PGM5: variants seen among roughly 807,000 people sequenced by gnomAD.
PGM5 encodes phosphoglucomutase-like protein 5.
A neutral mutation model predicts 59.2 loss-of-function variants in PGM5; 23 were observed. The observed-to-expected ratio is 0.39, with a 90% CI of 0.28 to 0.55. The LOEUF (loss-of-function observed/expected upper bound fraction) is 0.55. PGM5 is among the 20% of genes least tolerant of loss of function. The pLI, the probability that PGM5 is intolerant of heterozygous loss-of-function variation, is 0.66. For missense variants in PGM5, 574 were observed against 748.3 expected (o/e 0.77, Z 2.72); for synonymous variants, 214 against 286.0 (o/e 0.75, Z 2.54).
chr9:68,520,241 G>T (rs1170349220), intron 10 of PGM5, among the ~76,000 whole-genome samples: 1 of 151,458 alleles, frequency 6.6e-6, no homozygotes, highest in Admixed American at 6.6e-5. Flanking sequence ...TAGACTTTAA[G>T]GTCAAAAGCA....
intron 6 of PGM5, chr9:68,405,680 C>A (rs552980389): frequency 3.1e-3 from 482 of 154,136 alleles, no homozygotes; most frequent in Middle Eastern, 0.014. Context: ...CTCCTTCCTT[C>A]CTTCCTTCTT....
intron 6 of PGM5, among the ~76,000 whole-genome samples, chr9:68,451,702 G>A (rs1823699163): frequency 6.6e-6 from 1 of 152,202 alleles, no homozygotes; most frequent in African/African-American, 2.4e-5. Context: ...TCCATTGTGT[G>A]ACTGTCTCTG....
intron 9 of PGM5, among the ~76,000 whole-genome samples, chr9:68,485,401 G>A (rs1395585075): frequency 6.6e-6 from 1 of 152,146 alleles, no homozygotes; most frequent in South Asian, 2.1e-4. Context: ...GGACCAGGTG[G>A]GAGGTAATTG....
chr9:68,501,954 C>G (rs1554688687), intron 10 of PGM5, among the ~76,000 whole-genome samples: 1 of 152,224 alleles, frequency 6.6e-6, no homozygotes. Context: ...GTGATATAAT[C>G]TATATGCATT....
chr9:68,435,187 T>G lies in PGM5; in HGVS notation c.1044-29906T>G, dbSNP rs575029562. On this transcript the variant is annotated intron_variant, in intron 6 of 10. Transcript: ENST00000396396. ...TTATTCTTTATCTCAGTCTCTTGTT[T>G]CCTTTATAGCCCATGCACATTTAAT... Among the ~76,000 whole-genome samples, 66 of 152,338 alleles carry G rather than the reference T, an allele frequency of 4.3e-4. 1 individual carries two copies. The highest frequency in any genetic ancestry group is 4.9e-4 in the Non-Finnish European group (33 of 68,028).
intron 1 of PGM5, among the ~76,000 whole-genome samples, chr9:68,376,902 C>CTT (rs1821932500): frequency 1.8e-5 from 2 of 114,268 alleles, no homozygotes; most frequent in African/African-American, 6.9e-5. Flanking sequence ...TTCTTTCTCT[C>CTT]TCTTTCTTTC....
chr9:68,423,573 G>C (rs1823181547), intron 6 of PGM5, among the ~76,000 whole-genome samples: 1 of 151,776 alleles, frequency 6.6e-6, no homozygotes, highest in South Asian at 2.1e-4. Context: ...GTTCAATCAG[G>C]TTGTTTCTCT....
chr9:68,390,089 G>A (rs1210574452), intron 4 of PGM5, among the ~76,000 whole-genome samples: 2 of 151,800 alleles, frequency 1.3e-5, no homozygotes, highest in Non-Finnish European at 2.9e-5. Flanking sequence ...GTGATCCTTG[G>A]CTTTCTGGCA....
At position 68,357,222 on chromosome 9, in the gene PGM5, G is replaced by A; in HGVS notation, c.95G>A (p.Gly32Asp). 1 of 1,541,230 alleles carries A rather than the reference G, an allele frequency of 6.5e-7. No individual in the cohort carries two copies. ...GGCGGGGGTCTGCGGCGACCCACCG[G>A]CCTCTTCGAGGGCCAGCGCAACTAC... ...AGGGGLRRPT[G>D]LFEGQRNYLP... The change falls in exon 1 of 11, where the codon GGC becomes GAC. Residue 32 changes from glycine (G) to aspartate (D), a missense_variant. Gly to Asp is a moderately conservative substitution (Grantham distance 94). Transcript: ENST00000396396.
intron 7 of PGM5, among the ~76,000 whole-genome samples, chr9:68,479,141 A>T (rs559128161): frequency 1.3e-5 from 2 of 152,202 alleles, no homozygotes; most frequent in South Asian, 4.1e-4. Context: ...TATTTACTGA[A>T]TAAATGAATA....
chr9:68,417,505 C>A (rs1216799422), intron 6 of PGM5, among the ~76,000 whole-genome samples: 1 of 152,148 alleles, frequency 6.6e-6, no homozygotes, highest in Non-Finnish European at 1.5e-5. Flanking sequence ...TGTCATGGAA[C>A]ATTGAGCTGC....
chr9:68,479,458 C>G lies in PGM5; in HGVS notation c.1200C>G (p.Val400=), dbSNP rs1554686928. ...HLREKDGLWA[V]LVWLSIIAAR... ...GAGAGAAGGATGGCCTGTGGGCTGT[C>G]TTGGTCTGGCTCTCCATTATTGCTG... The change falls in exon 8 of 11, where the codon GTC becomes GTG. Residue 400 remains valine (V), a synonymous_variant. Coordinates refer to ENST00000396396, the MANE Select transcript of PGM5 (RefSeq NM_021965.4). 5 of 1,613,938 alleles carry G rather than the reference C, an allele frequency of 3.1e-6. No individual in the cohort carries two copies. The Admixed American group carries it at 6.7e-5, about 22-fold the overall frequency.
intron 10 of PGM5, among the ~76,000 whole-genome samples, chr9:68,519,094 GA>G (rs1824861713): frequency 2.0e-5 from 3 of 152,124 alleles, no homozygotes; most frequent in Non-Finnish European, 2.9e-5. Context: ...TTAATCTAGT[GA>G]AACTTTCCTT....
At position 68,366,499 on chromosome 9, in the gene PGM5, G is replaced by T. The variant is rs1481363227; in HGVS notation, c.261+9111G>T. 3.3e-5 allele frequency among the ~76,000 whole-genome samples: 5 copies of T among 152,128 alleles called. No individual in the cohort carries two copies. The East Asian group carries it at 9.6e-4, about 29-fold the overall frequency. ...GTAGGCATAGAAAATAGGATTGAAA[G>T]GACATACTCTAGTCAACAGTGGATA... is the stretch of plus-strand genomic sequence containing the variant. On this transcript the variant is annotated intron_variant, in intron 1 of 10. Coordinates refer to ENST00000396396, the MANE Select transcript of PGM5 (RefSeq NM_021965.4).
intron 7 of PGM5, among the ~76,000 whole-genome samples, chr9:68,477,469 G>A (rs1015898329): frequency 2.0e-5 from 3 of 152,178 alleles, no homozygotes; most frequent in Non-Finnish European, 4.4e-5. Context: ...GCTCTGTGGC[G>A]TTGCGTCTCC....
At chr9:68,422,614 A>G (rs1280461058) in intron 6 of PGM5, among the ~76,000 whole-genome samples, 5 of 152,076 alleles carry the variant, frequency 3.3e-5, no homozygotes, top group Admixed American at 6.6e-5. Flanking sequence ...TTCCCCATTC[A>G]TCTAGAAAAG....
At chr9:68,454,406 C>A (rs1272032235) in intron 6 of PGM5, among the ~76,000 whole-genome samples, 5 of 152,160 alleles carry the variant, frequency 3.3e-5, no homozygotes, top group African/African-American at 9.7e-5. Context: ...CTCATTGATA[C>A]AAGGAGTATC....
chr9:68,513,347 T>C (rs1824780662), intron 10 of PGM5, among the ~76,000 whole-genome samples: 1 of 152,250 alleles, frequency 6.6e-6, no homozygotes, highest in African/African-American at 2.4e-5. Context: ...TTTTCAGGTC[T>C]TTTGTTTCTT....
At chr9:68,484,819 G>T (rs192911898) in intron 9 of PGM5, among the ~76,000 whole-genome samples, 3 of 152,224 alleles carry the variant, frequency 2.0e-5, no homozygotes, top group African/African-American at 7.2e-5. Context: ...GTCAGTCCTT[G>T]GAATTGTAAA....
Sources: allele counts gnomAD v4.1 joint callset (sites outside exome capture counted in the v4.1 genomes callset), GRCh38; gene constraint gnomAD v4.1.1; transcripts MANE v1.5; gene names NCBI Gene and HGNC (gene_info 2026-07-23, HGNC 2026-07-21).